PCDHGA5: variants seen among roughly 807,000 people sequenced by gnomAD.
PCDHGA5 encodes the protein protocadherin gamma subfamily A, 5.
In PCDHGA5, 36 loss-of-function variants were observed where a neutral mutation model predicts 56.7. The ratio of observed to expected loss-of-function variants is 0.64; its 90% CI spans 0.49 to 0.84. The LOEUF is 0.84. Ranked by LOEUF, PCDHGA5 falls within the 40% of genes least tolerant of loss-of-function variation. The pLI, the probability that PCDHGA5 is intolerant of heterozygous loss-of-function variation, is 0.00. For missense variants in PCDHGA5, 1,305 were observed against 1,201.5 expected (o/e 1.09, Z -1.27); for synonymous variants, 563 against 520.2 (o/e 1.08, Z -1.12).
chr5:141,464,343 A>C (rs944042669), intron 1 of PCDHGA5, among the ~76,000 whole-genome samples: 7 of 151,212 alleles, frequency 4.6e-5, no homozygotes, highest in African/African-American at 1.5e-4. Context: ...ATGACTTGTC[A>C]TTTAGGTAGT....
Position 141,486,955 on chromosome 5 carries a change from T to A in PCDHGA5, c.2422-7852T>A, listed in dbSNP as rs1459820579. 1.9e-6 allele frequency: 3 copies of A among 1,614,128 alleles called. No individual in the cohort carries two copies. The highest frequency in any genetic ancestry group is 2.5e-6 in the Non-Finnish European group (3 of 1,180,048). ...CTGGCCACCTAATCACAAAGGTGACTGCTGTGGACTTGGATTCAGGTTACA... is the reference window on the plus strand; with the variant it reads ...CTGGCCACCTAATCACAAAGGTGACAGCTGTGGACTTGGATTCAGGTTACA... On this transcript the variant is annotated intron_variant, in intron 1 of 3. Coordinates refer to ENST00000518069, the MANE Select transcript of PCDHGA5 (RefSeq NM_018918.3). This position sits in a 1 kb window ranked among gnomAD's most constrained non-coding sequence, Gnocchi z 5.0.
intron 1 of PCDHGA5, chr5:141,375,745 C>T (rs753247365): frequency 2.5e-6 from 4 of 1,614,238 alleles, no homozygotes; most frequent in Admixed American, 3.3e-5. Context: ...TTGTGCTGGA[C>T]CAGAATGACA....
At chr5:141,393,669 G>A in intron 1 of PCDHGA5, 1 of 1,613,886 alleles carries the variant, frequency 6.2e-7, no homozygotes, top group Non-Finnish European at 8.5e-7. Flanking sequence ...GAAAATTAAT[G>A]AAAAACAAAC....
Position 141,365,902 on chromosome 5 carries a change from G to T in PCDHGA5, c.1572G>T (p.Gln524His). The change falls in exon 1 of 4, where the codon CAG becomes CAT. Residue 524 changes from glutamine to histidine, a missense_variant. By Grantham distance (24) the Gln-to-His change is conservative. Coordinates refer to ENST00000518069, the MANE Select transcript of PCDHGA5 (RefSeq NM_018918.3). ...CTCTGAGATCCTTCGACTATGAGCA[G>T]TTGAGAGACCTACAGTTGTGGGTGA... ...LYALRSFDYE[Q>H]LRDLQLWVTA... 1 of 1,614,256 alleles carries T rather than the reference G, an allele frequency of 6.2e-7. No homozygotes were observed. Among genetic ancestry groups the T allele is most frequent in the Non-Finnish European group, 8.5e-7 (1 of 1,180,042 alleles).
At chr5:141,462,116 C>T (rs535029363) in intron 1 of PCDHGA5, among the ~76,000 whole-genome samples, 3 of 152,152 alleles carry the variant, frequency 2.0e-5, no homozygotes, top group Admixed American at 1.3e-4. Context: ...AGCCACTGCA[C>T]CCAGTCCAAT....
chr5:141,375,048 G>A (rs1457528416), intron 1 of PCDHGA5: 4 of 1,614,022 alleles, frequency 2.5e-6, no homozygotes, highest in South Asian at 1.1e-5. Flanking sequence ...GTTGAAGCCC[G>A]GGATGGGCCA....
rs770788893 is a variant in PCDHGA5 at position 141,403,151 on chromosome 5, G to T, written c.2421+36400G>T. On this transcript the variant is annotated intron_variant, in intron 1 of 3. Coordinates refer to ENST00000518069, the MANE Select transcript of PCDHGA5 (RefSeq NM_018918.3). ...GCTGGCGGAGCGCCGAGTCCGCATC[G>T]TCTCTAGAGGTAGGACGCAGCTTTT... 1.3e-5 allele frequency: 21 copies of T among 1,613,914 alleles called. No individual in the cohort carries two copies. In the Admixed American group the frequency reaches 3.5e-4, roughly 27 times the overall value.
chr5:141,414,822 C>G, intron 1 of PCDHGA5: 3 of 1,614,240 alleles, frequency 1.9e-6, no homozygotes, highest in Non-Finnish European at 2.5e-6. Flanking sequence ...TCAGCAGCAA[C>G]GTGTCGTTGA....
chr5:141,415,121 C>T (rs2095831464), intron 1 of PCDHGA5: 1 of 1,613,522 alleles, frequency 6.2e-7, no homozygotes, highest in South Asian at 1.1e-5. Context: ...CTCGTAGTGG[C>T]CGTCCAGGAC....
chr5:141,415,105 C>T (rs1472993181), intron 1 of PCDHGA5: 1 of 1,613,652 alleles, frequency 6.2e-7, no homozygotes, highest in African/African-American at 1.3e-5. Flanking sequence ...CGCGCTCAAG[C>T]AAAGCCTCGT....
Position 141,477,426 on chromosome 5 carries a change from T to G in PCDHGA5, c.2422-17381T>G. 1 of 1,614,100 alleles carries G rather than the reference T, an allele frequency of 6.2e-7. No individual in the cohort carries two copies. Among genetic ancestry groups the G allele is most frequent in the East Asian group, 2.2e-5 (1 of 44,874 alleles). The stretch of plus-strand genomic sequence containing the variant: ...GCCCGAGACGCCGGAACCCCTTCCC[T>G]CTCAGCCCTTACAATAGTGCGTGTT... On this transcript the variant is annotated intron_variant, in intron 1 of 3. Coordinates refer to ENST00000518069, the MANE Select transcript of PCDHGA5 (RefSeq NM_018918.3). The surrounding 1 kb of genome is among the most constrained non-coding windows in gnomAD (Gnocchi z 4.9).
intron 1 of PCDHGA5, chr5:141,398,743 A>G: frequency 6.2e-7 from 1 of 1,613,864 alleles, no homozygotes; most frequent in Non-Finnish European, 8.5e-7. Flanking sequence ...GGAACAACAG[A>G]GTTACCATCG....
chr5:141,454,762 G>C (rs889314181), intron 1 of PCDHGA5, among the ~76,000 whole-genome samples: 4 of 115,056 alleles, frequency 3.5e-5, no homozygotes, highest in African/African-American at 6.6e-5. Context: ...ATCTTGACAT[G>C]TTTTTTACAA....
chr5:141,458,888 T>C (rs756640295), intron 1 of PCDHGA5, among the ~76,000 whole-genome samples: 3 of 152,118 alleles, frequency 2.0e-5, no homozygotes, highest in Non-Finnish European at 2.9e-5. Flanking sequence ...ATGCACACCA[T>C]GCGCAGCTAA....
At position 141,371,633 on chromosome 5, in the gene PCDHGA5, G is replaced by A. The variant is rs771305412; in HGVS notation, c.2421+4882G>A. 7 of 1,614,040 alleles carry A rather than the reference G, an allele frequency of 4.3e-6. No homozygotes were observed. In the Admixed American group the frequency reaches 1.2e-4, roughly 27 times the overall value. ...TGACAGATGGAGCCCTGGACCGGGAGCAGATCCCAGAATACAATGTGACGA... is the reference window on the plus strand; with the variant it reads ...TGACAGATGGAGCCCTGGACCGGGAACAGATCCCAGAATACAATGTGACGA... On this transcript the variant is annotated intron_variant, in intron 1 of 3. Coordinates refer to ENST00000518069, the MANE Select transcript of PCDHGA5 (RefSeq NM_018918.3).
chr5:141,400,221 C>T (rs377228541), intron 1 of PCDHGA5: 36 of 1,614,060 alleles, frequency 2.2e-5, no homozygotes, highest in Admixed American at 6.7e-5. Flanking sequence ...TCTCAGTGCT[C>T]TTCCTCCTGG....
chr5:141,498,919 CG>C (rs2099786825), intron 2 of PCDHGA5, among the ~76,000 whole-genome samples: 1 of 122,240 alleles, frequency 8.2e-6, no homozygotes, highest in African/African-American at 3.1e-5. Context: ...GGTGACAGAG[CG>C]AGACTCCATC....
At chr5:141,450,887 C>T (rs531604055) in intron 1 of PCDHGA5, among the ~76,000 whole-genome samples, 18 of 148,682 alleles carry the variant, frequency 1.2e-4, no homozygotes, top group East Asian at 1.2e-3. Flanking sequence ...TGCAGTGGTG[C>T]GATATCGGCT....
In PCDHGA5 at chr5:141,448,679, G is replaced by A. The variant is rs113043083; in HGVS notation, c.2422-46128G>A. On this transcript the variant is annotated intron_variant, in intron 1 of 3. Coordinates refer to ENST00000518069, the MANE Select transcript of PCDHGA5 (RefSeq NM_018918.3). Reference sequence around the variant, plus strand: ...ATATTGGCCGGGCGCGGTGGCTCACGCCTGTAATCGCAGCACTTTGGGAGG... The same window carrying A: ...ATATTGGCCGGGCGCGGTGGCTCACACCTGTAATCGCAGCACTTTGGGAGG... Among the ~76,000 whole-genome samples the A allele has an allele frequency of 8.3e-3, 1,260 of 152,126 alleles. 17 individuals are homozygous for A. Among genetic ancestry groups the A allele is most frequent in the African/African-American group, 0.029 (1,195 of 41,496 alleles).
Sources: gnomAD v4.1 joint callset for allele counts (sites outside exome capture counted in the v4.1 genomes callset) on GRCh38, gnomAD v4.1.1 for gene constraint, Gnocchi (gnomAD v3.1) non-coding constraint, MANE v1.5 for transcripts, NCBI Gene and HGNC (gene_info 2026-07-23, HGNC 2026-07-21) for gene names.